Variants in MYRIP observed in about 807,000 individuals in gnomAD.
The protein encoded by MYRIP is rab effector MyRIP.
MYRIP carries 49 observed loss-of-function variants against 98.0 expected under a neutral mutation model. The ratio of observed to expected loss-of-function variants is 0.50; its 90% CI spans 0.40 to 0.63. The LOEUF is 0.63. Ranked by LOEUF, MYRIP falls within the 30% of genes least tolerant of loss-of-function variation. The pLI is 0.00. For missense variants in MYRIP, 1,004 were observed against 1,058.2 expected (o/e 0.95, Z 0.71); for synonymous variants, 404 against 409.5 (o/e 0.99, Z 0.16).
chr3:40,241,482 C>T (rs1327970777), intron 12 of MYRIP, among the ~76,000 whole-genome samples: 9 of 152,166 alleles, frequency 5.9e-5, no homozygotes, highest in Admixed American at 5.9e-4. Context: ...TTCATGGAAG[C>T]CACATCCAAC....
intron 3 of MYRIP, among the ~76,000 whole-genome samples, chr3:40,055,184 A>G (rs1947860269): frequency 6.6e-6 from 1 of 152,196 alleles, no homozygotes; most frequent in African/African-American, 2.4e-5. Flanking sequence ...TTTTTATCAT[A>G]TAATCAATCA....
At chr3:39,986,523 C>A (rs1317260381) in intron 2 of MYRIP, among the ~76,000 whole-genome samples, 1 of 151,974 alleles carries the variant, frequency 6.6e-6, no homozygotes, top group Non-Finnish European at 1.5e-5. Flanking sequence ...GGCAAACAGA[C>A]CTGGGTTTAA....
chr3:39,860,788 G>C (rs539596981), intron 1 of MYRIP, among the ~76,000 whole-genome samples: 1 of 152,342 alleles, frequency 6.6e-6, no homozygotes, highest in Admixed American at 6.5e-5. Context: ...CAATTCACTA[G>C]TGTATGCACA....
intron 2 of MYRIP, among the ~76,000 whole-genome samples, chr3:39,936,949 T>A (rs1944667189): frequency 6.6e-6 from 1 of 152,168 alleles, no homozygotes; most frequent in Non-Finnish European, 1.5e-5. Flanking sequence ...TTAGTTGTTA[T>A]CCCCAATAAC....
intron 11 of MYRIP, among the ~76,000 whole-genome samples, chr3:40,221,045 A>C (rs1334092219): frequency 1.8e-5 from 2 of 111,738 alleles, no homozygotes; most frequent in Non-Finnish European, 3.4e-5. Flanking sequence ...AAGTCACCAA[A>C]AAAAAAAAAA....
chr3:39,826,251 G>A (rs970804514), intron 1 of MYRIP, among the ~76,000 whole-genome samples: 13 of 151,518 alleles, frequency 8.6e-5, no homozygotes, highest in African/African-American at 2.2e-4. Flanking sequence ...GAGATACATC[G>A]TTAGGTTATT....
intron 1 of MYRIP, among the ~76,000 whole-genome samples, chr3:39,847,076 C>T (rs68073426): frequency 0.081 from 12,303 of 152,230 alleles, 549 homozygotes; most frequent in African/African-American, 0.12. Context: ...CAAAAACACC[C>T]TGCAAGTTGA....
rs1951311703 is a variant in MYRIP, at chr3:40,193,850, C to T, written c.1665+3387C>T. Among the ~76,000 whole-genome samples the T allele has an allele frequency of 2.6e-5, 4 of 151,800 alleles. No homozygotes were observed. The South Asian group carries it at 6.3e-4, about 24-fold the overall frequency. ...AAAGCTATTTACACTTTTCTTCTTT[C>T]ATCCATCCCGCTAGCCTTGATATGC... is the stretch of plus-strand genomic sequence containing the variant. On this transcript the variant is annotated intron_variant, in intron 10 of 16. Transcript: ENST00000302541.
chr3:40,026,281 A>T (rs532790011), intron 2 of MYRIP, among the ~76,000 whole-genome samples: 1 of 152,064 alleles, frequency 6.6e-6, no homozygotes, highest in South Asian at 2.1e-4. Flanking sequence ...ATTTTGTCCG[A>T]CCCCGCAGGC....
At position 40,250,488 on chromosome 3, in the gene MYRIP, C is replaced by T. The variant is rs773389403; in HGVS notation, c.2417C>T (p.Pro806Leu). 7.4e-6 allele frequency: 12 copies of T among 1,614,202 alleles called. No homozygotes were observed. Among genetic ancestry groups the T allele is most frequent in the Non-Finnish European group, 1.0e-5 (12 of 1,180,030 alleles). ...CAGCAAAGGAGGAAACTGCCTGCTC[C>T]ACCGGTGAAAGGTATGCTAAATTAA... ...SRQQRRKLPA[P>L]PVKAEKIETS... is the part of the protein sequence containing the mutation. The change falls in exon 15 of 17, where the codon CCA (proline) becomes CTA (leucine). Residue 806 changes from proline (P) to leucine (L), a missense_variant. Pro to Leu is a moderately conservative substitution (Grantham distance 98, BLOSUM62 -3). Transcript: ENST00000302541.
chr3:40,076,275 T>C (rs1419871462), intron 3 of MYRIP, among the ~76,000 whole-genome samples: 3 of 152,162 alleles, frequency 2.0e-5, no homozygotes, highest in Admixed American at 6.5e-5. Context: ...ATTATCTTTC[T>C]CAGGGAAGTC....
intron 2 of MYRIP, among the ~76,000 whole-genome samples, chr3:39,956,596 C>A (rs910905322): frequency 5.3e-5 from 8 of 152,066 alleles, no homozygotes; most frequent in Non-Finnish European, 1.2e-4. Flanking sequence ...AAAATGGACA[C>A]CCCAACATCA....
chr3:39,861,483 T>C (rs1238299749), intron 1 of MYRIP, among the ~76,000 whole-genome samples: 1 of 152,172 alleles, frequency 6.6e-6, no homozygotes, highest in Non-Finnish European at 1.5e-5. Context: ...CAGTGGTTCT[T>C]AACCAGACTG....
intron 2 of MYRIP, among the ~76,000 whole-genome samples, chr3:39,919,404 T>C (rs180893665): frequency 6.6e-6 from 1 of 152,278 alleles, no homozygotes; most frequent in East Asian, 1.9e-4. Context: ...GTGCAGTATC[T>C]CTAAGTGCTG....
chr3:40,214,818 T>C (rs1411836223), intron 11 of MYRIP, among the ~76,000 whole-genome samples: 1 of 152,146 alleles, frequency 6.6e-6, no homozygotes, highest in East Asian at 1.9e-4. Flanking sequence ...TTTTTGCCTC[T>C]AGGGACGCAG....
At chr3:40,075,045 T>A (rs1246383383) in intron 3 of MYRIP, among the ~76,000 whole-genome samples, 2 of 152,130 alleles carry the variant, frequency 1.3e-5, no homozygotes, top group Non-Finnish European at 2.9e-5. Flanking sequence ...CAAGAAAAGA[T>A]ATTTTATAAC....
intron 2 of MYRIP, among the ~76,000 whole-genome samples, chr3:39,938,456 C>A (rs1348310398): frequency 6.6e-6 from 1 of 152,072 alleles, no homozygotes; most frequent in Non-Finnish European, 1.5e-5. Flanking sequence ...ATTCTTATGA[C>A]CCTATGGCTG....
At chr3:40,203,292 A>G (rs1187426429) in intron 10 of MYRIP, among the ~76,000 whole-genome samples, 2 of 152,066 alleles carry the variant, frequency 1.3e-5, no homozygotes, top group African/African-American at 2.4e-5. Context: ...TTCCTCAAGA[A>G]TTTTTAGAAG....
chr3:40,112,940 C>A (rs1384084101), intron 3 of MYRIP, among the ~76,000 whole-genome samples: 1 of 152,202 alleles, frequency 6.6e-6, no homozygotes, highest in Non-Finnish European at 1.5e-5. Context: ...TCCCTCCTTT[C>A]TCTCGAGCCT....
Sources: gnomAD v4.1 joint callset for allele counts (sites outside exome capture counted in the v4.1 genomes callset) on GRCh38, gnomAD v4.1.1 for gene constraint, MANE v1.5 for transcripts, NCBI Gene and HGNC (gene_info 2026-07-23, HGNC 2026-07-21) for gene names.